SLTM: variants seen among roughly 807,000 people sequenced by gnomAD.
SLTM encodes the protein SAFB-like transcription modulator.
Under a neutral mutation model 134.6 loss-of-function variants are expected in SLTM, and 43 were observed. The ratio of observed to expected loss-of-function variants is 0.32; its 90% CI spans 0.25 to 0.41. SLTM has a LOEUF of 0.41. SLTM is among the 10% of genes least tolerant of loss of function. SLTM has a pLI of 1.00. For missense variants in SLTM, 1,055 were observed against 1,288.8 expected (o/e 0.82, Z 2.78); for synonymous variants, 424 against 432.3 (o/e 0.98, Z 0.24).
At chr15:58,888,349 T>C in intron 17 of SLTM, 36 bp downstream of exon 17, 1 of 1,533,208 alleles carries the variant, frequency 6.5e-7, no homozygotes, top group Non-Finnish European at 8.8e-7. Flanking sequence ...CTAGCAAGGC[T>C]CATAAAATAA....
At chr15:58,928,016 T>C (rs1285485220) in intron 2 of SLTM, among the ~76,000 whole-genome samples, 2 of 152,262 alleles carry the variant, frequency 1.3e-5, no homozygotes, top group Non-Finnish European at 2.9e-5. Context: ...ATTAGATGTT[T>C]GGCCAAACCT....
rs568217129 is a variant in SLTM, at chr15:58,899,351, G to C, written c.1058+118C>G. On this transcript the variant is annotated intron_variant, in intron 7 of 20. Coordinates refer to ENST00000380516, the MANE Select transcript of SLTM (RefSeq NM_024755.4). This position sits in a 1 kb window ranked among gnomAD's most constrained non-coding sequence, Gnocchi z 5.0. ...ACTTATGACGGTCAAAAATATTATA[G>C]GCAGGATCATAAGACACTAATTACT... 5.0e-6 allele frequency: 4 copies of C among 799,836 alleles called. No homozygotes were observed. The East Asian group carries it at 9.9e-5, about 20-fold the overall frequency. 49.5% of individuals were successfully genotyped at this position (799,836 alleles called of 1,614,324 possible). A position where few individuals can be genotyped will look rare whatever the true frequency, so the allele number is the denominator to read the frequency against.
Position 58,904,652 on chromosome 15 carries a change from T to A in SLTM, c.562-3365A>T, listed in dbSNP as rs372878584. On this transcript the variant is annotated intron_variant, in intron 5 of 20. Coordinates refer to ENST00000380516, the MANE Select transcript of SLTM (RefSeq NM_024755.4). ...ACCTCTGCCTCCCGGGTTCCAGGGA[T>A]TCTCATGCCTCAGCCTTCCCAGTAT... is the stretch of plus-strand genomic sequence containing the variant. Among the ~76,000 whole-genome samples, 412 of 151,924 alleles carry A rather than the reference T, an allele frequency of 2.7e-3. 1 individual carries two copies. The highest frequency in any genetic ancestry group is 9.6e-3 in the African/African-American group (396 of 41,424).
Position 58,893,009 on chromosome 15 carries a change from CTCT to C in SLTM, c.1783_1785del (p.Arg595del). ...ATCTCTTTCCTTCTGTAGTCTTTATCTCTTTTTTTATCTAGACTAGCTCTCTCC... is the reference window on the plus strand; with the variant it reads ...ATCTCTTTCCTTCTGTAGTCTTTATCTTTTTTATCTAGACTAGCTCTCTCC... On this transcript the variant is annotated inframe_deletion, in exon 14 of 21. Transcript: ENST00000380516. The C allele has an allele frequency of 6.2e-7, 1 of 1,612,212 alleles. No homozygotes were observed. Among genetic ancestry groups the C allele is most frequent in the African/African-American group, 1.3e-5 (1 of 74,784 alleles).
rs1348354506 is a variant in SLTM, at chr15:58,933,592, C to T, written c.-27G>A. 11 of 1,553,650 alleles carry T rather than the reference C, an allele frequency of 7.1e-6. No homozygotes were observed. In the East Asian group the frequency reaches 2.6e-4, roughly 36 times the overall value. On this transcript the variant is annotated 5_prime_UTR_variant, in exon 1 of 21. Transcript: ENST00000380516. ...TTAGAAGAGCAGCGCGCTGCCGAGGCAGCGAGTGGGCTGCAGGGCGGCGGC... is the reference window on the plus strand; with the variant it reads ...TTAGAAGAGCAGCGCGCTGCCGAGGTAGCGAGTGGGCTGCAGGGCGGCGGC...
At chr15:58,919,496 A>G (rs1385663768) in intron 2 of SLTM, among the ~76,000 whole-genome samples, 1 of 152,026 alleles carries the variant, frequency 6.6e-6, no homozygotes, top group Non-Finnish European at 1.5e-5. Context: ...GCTATTCGGG[A>G]GGCTGAGGTG....
chr15:58,933,662 C>G lies in SLTM; in HGVS notation c.-97G>C. 1.5e-6 allele frequency: 2 copies of G among 1,346,244 alleles called. No homozygotes were observed. Among genetic ancestry groups the G allele is most frequent in the Non-Finnish European group, 1.9e-6 (2 of 1,052,946 alleles). The allele number at this position is 1,346,244 out of a possible 1,614,324, so 83.4% of individuals were successfully genotyped here. On this transcript the variant is annotated 5_prime_UTR_variant, in exon 1 of 21. Transcript: ENST00000380516. ...CAGGCCTCGGCGGCCGCCGGCGCCG[C>G]GCAGCGCTGCGCACAATGAGCCGCT... is the stretch of plus-strand genomic sequence containing the variant.
chr15:58,912,075 G>A (rs2036310583), intron 5 of SLTM, among the ~76,000 whole-genome samples: 1 of 150,740 alleles, frequency 6.6e-6, no homozygotes, highest in African/African-American at 2.4e-5. Context: ...TATTTTTCTG[G>A]CAACAAAAAT....
chr15:58,908,642 T>G (rs2036047125), intron 5 of SLTM, among the ~76,000 whole-genome samples: 1 of 151,606 alleles, frequency 6.6e-6, no homozygotes, highest in Admixed American at 6.6e-5. Flanking sequence ...GTGCTGTGAT[T>G]ACAGGCAGGA....
At chr15:58,923,494 C>T (rs1278204277) in intron 2 of SLTM, among the ~76,000 whole-genome samples, 3 of 152,192 alleles carry the variant, frequency 2.0e-5, no homozygotes, top group Non-Finnish European at 4.4e-5. Flanking sequence ...CCTGTCAATA[C>T]ATCCTGTCAC....
intron 5 of SLTM, among the ~76,000 whole-genome samples, chr15:58,902,404 T>TA (rs397698028): frequency 1.3e-4 from 20 of 150,598 alleles, no homozygotes; most frequent in Non-Finnish European, 1.6e-4. Context: ...TTTTTTTTTT[T>TA]AAACAGGTTC....
At chr15:58,901,321 A>G in intron 5 of SLTM, 34 bp from the exon 6 acceptor site, 1 of 1,558,090 alleles carries the variant, frequency 6.4e-7, no homozygotes, top group Non-Finnish European at 8.8e-7. Flanking sequence ...TGTAAAATGA[A>G]TTCACATAAA....
At chr15:58,926,906 CT>C (rs1276187073) in intron 2 of SLTM, among the ~76,000 whole-genome samples, 1 of 152,080 alleles carries the variant, frequency 6.6e-6, no homozygotes, top group Non-Finnish European at 1.5e-5. Context: ...GCCACCGCGC[CT>C]GGCCAAATGT....
intron 2 of SLTM, among the ~76,000 whole-genome samples, chr15:58,919,041 T>C (rs1443451278): frequency 6.6e-6 from 1 of 151,996 alleles, no homozygotes; most frequent in Non-Finnish European, 1.5e-5. Flanking sequence ...CAGCCTCCTG[T>C]AGTAGGACTA....
chr15:58,901,375 G>A (rs187851911), intron 5 of SLTM, 88 bp from the exon 6 acceptor site: 1 of 1,087,922 alleles, frequency 9.2e-7, no homozygotes, highest in Non-Finnish European at 1.4e-6. Context: ...GTTAAAATTG[G>A]TGGATAATTT....
At chr15:58,915,665 G>A (rs2036583004) in intron 3 of SLTM, among the ~76,000 whole-genome samples, 1 of 152,062 alleles carries the variant, frequency 6.6e-6, no homozygotes, top group African/African-American at 2.4e-5. Context: ...ACTGATTTCA[G>A]GGCTAACTCC....
At chr15:58,893,478 A>G (rs1399665298) in intron 12 of SLTM, 114 bp from the exon 13 acceptor site, 2 of 719,828 alleles carry the variant, frequency 2.8e-6, no homozygotes, top group Non-Finnish European at 2.2e-6. Flanking sequence ...AAATAAAAAA[A>G]CTACTTATTC....
intron 5 of SLTM, among the ~76,000 whole-genome samples, chr15:58,910,290 G>A (rs1013068756): frequency 7.9e-5 from 12 of 152,096 alleles, no homozygotes; most frequent in Non-Finnish European, 1.5e-4. Context: ...CAGTATCCCT[G>A]AATGCACATA....
At chr15:58,890,518 A>C in intron 14 of SLTM, 57 bp from the exon 15 acceptor site, 3 of 1,484,264 alleles carry the variant, frequency 2.0e-6, no homozygotes, top group Non-Finnish European at 9.0e-7. Context: ...TGTGAAAGAG[A>C]ATAGCTTTGA....
Sources: gnomAD v4.1 joint callset for allele counts (sites outside exome capture counted in the v4.1 genomes callset) on GRCh38, gnomAD v4.1.1 for gene constraint, Gnocchi (gnomAD v3.1) non-coding constraint, MANE v1.5 for transcripts, NCBI Gene and HGNC (gene_info 2026-07-23, HGNC 2026-07-21) for gene names.